EDRF1: variants seen among roughly 807,000 people sequenced by gnomAD.
The protein encoded by EDRF1 is erythroid differentiation regulatory factor 1.
Under a neutral mutation model 148.7 loss-of-function variants are expected in EDRF1, and 69 were observed. The observed-to-expected ratio is 0.46, with a 90% CI of 0.38 to 0.57. The LOEUF (loss-of-function observed/expected upper bound fraction) is 0.57. EDRF1 is among the 20% of genes least tolerant of loss of function. The pLI is 0.00. For synonymous variants in EDRF1, 515 were observed against 532.8 expected (o/e 0.97, Z 0.46); for missense variants, 1,118 against 1,478.7 (o/e 0.76, Z 4.00).
chr10:125,738,521 CAATT>C (rs1848849428), intron 15 of EDRF1, 76 bp downstream of exon 15: 4 of 1,549,880 alleles, frequency 2.6e-6, no homozygotes, highest in Non-Finnish European at 3.6e-6. Flanking sequence ...AGACTTATGT[CAATT>C]AAGGCATTAA....
intron 9 of EDRF1, 61 bp from the exon 10 acceptor site, chr10:125,733,339 AAAAG>A: frequency 7.4e-7 from 1 of 1,349,786 alleles, no homozygotes; most frequent in Non-Finnish European, 1.0e-6. Context: ...TTGCTTTTTA[AAAAG>A]AAAGGTGTTG....
intron 24 of EDRF1, among the ~76,000 whole-genome samples, chr10:125,758,591 G>A (rs1006079383): frequency 3.9e-5 from 6 of 152,148 alleles, no homozygotes; most frequent in African/African-American, 7.2e-5. Context: ...ATGTACCACA[G>A]GCTTCAAGTT....
intron 18 of EDRF1, 39 bp from the exon 19 acceptor site, chr10:125,745,668 G>A (rs1174104601): frequency 3.1e-6 from 5 of 1,602,216 alleles, no homozygotes; most frequent in Non-Finnish European, 4.3e-6. Context: ...TTACACTGAT[G>A]TCTGCTTACA....
chr10:125,757,204 T>C (rs1849946570), intron 24 of EDRF1: 1 of 188,296 alleles, frequency 5.3e-6, no homozygotes, highest in Admixed American at 5.8e-5. Flanking sequence ...CTGTTAATTA[T>C]TTTCTGTGAT....
In EDRF1 at chr10:125,749,523, G is replaced by A. The variant is rs771488583; in HGVS notation, c.3235G>A (p.Val1079Ile). The change falls in exon 22 of 25, where the codon GTA becomes ATA. Residue 1079 changes from valine to isoleucine, a missense_variant. Around this residue, in one of 3 missense-constraint regions of EDRF1, gnomAD observed 954 missense variants for 1,241.4 expected, o/e 0.77. Transcript: ENST00000356792. ...LKDAPCELLR[V>I]QLERVAFAEF... ...AGATGCTCCCTGCGAACTGCTTAGAGTACAGCTAGAGAGAGTAGCATTTGC... is the reference window on the plus strand; with the variant it reads ...AGATGCTCCCTGCGAACTGCTTAGAATACAGCTAGAGAGAGTAGCATTTGC... 1 of 1,614,220 alleles carries A rather than the reference G, an allele frequency of 6.2e-7. No individual in the cohort carries two copies. The highest frequency in any genetic ancestry group is 1.1e-5 in the South Asian group (1 of 91,086).
chr10:125,734,246 T>C, intron 12 of EDRF1, 63 bp downstream of exon 12: 1 of 1,269,100 alleles, frequency 7.9e-7, no homozygotes, highest in Non-Finnish European at 1.2e-6. Flanking sequence ...GATTGTTACC[T>C]AGACAGTAAA....
chr10:125,741,086 A>G lies in EDRF1; in HGVS notation c.2256A>G (p.Gln752=), dbSNP rs1848995542. ...ATTTGACACTTTGTGGTGATATCCA[A>G]CTAATGCTGGCCCAGAATGCAAATA... ...SQYLTLCGDI[Q]LMLAQNANNR... Residue 752 remains glutamine, a synonymous_variant, in exon 17 of 25, where the codon CAA becomes CAG. Transcript: ENST00000356792. The G allele has an allele frequency of 5.0e-6, 8 of 1,614,124 alleles. No homozygotes were observed. Among genetic ancestry groups the G allele is most frequent in the South Asian group, 3.3e-5 (3 of 91,068 alleles).
intron 18 of EDRF1, chr10:125,745,020 A>G (rs1849268858): frequency 6.5e-6 from 1 of 153,630 alleles, no homozygotes; most frequent in Admixed American, 6.4e-5. Context: ...ACAAAAGCAC[A>G]GCAATATTGT....
intron 17 of EDRF1, chr10:125,741,478 CG>C: frequency 2.4e-6 from 1 of 422,258 alleles, no homozygotes; most frequent in Non-Finnish European, 4.6e-6. Context: ...CCACCATGCC[CG>C]GCTAGCCCAC....
intron 24 of EDRF1, among the ~76,000 whole-genome samples, chr10:125,756,519 G>A (rs1849906196): frequency 6.6e-6 from 1 of 152,174 alleles, no homozygotes; most frequent in Admixed American, 6.5e-5. Context: ...TCAATTTACT[G>A]AGCGAGGAGT....
In EDRF1 at chr10:125,730,327, CTA is replaced by C. The variant is rs1157120121; in HGVS notation, c.1058_1059del (p.Tyr353LeufsTer26). 1 of 1,613,874 alleles carries C rather than the reference CTA, an allele frequency of 6.2e-7. No individual in the cohort carries two copies. Among genetic ancestry groups the C allele is most frequent in the Non-Finnish European group, 8.5e-7 (1 of 1,179,836 alleles). Reference protein sequence around the residue: ...KPINVLTGIDYWLDNLICNVP... With the variant: ...KPINVLTGIDXWLDNLICNVP... ...CAATTAATGTGCTAACTGGAATTGA[CTA>C]TTGGTTGGACAACTTGATATGCAAT... On this transcript the variant is annotated frameshift_variant, in exon 9 of 25. Coordinates refer to ENST00000356792, the MANE Select transcript of EDRF1 (RefSeq NM_001202438.2). LOFTEE classifies it high-confidence loss of function.
intron 18 of EDRF1, among the ~76,000 whole-genome samples, chr10:125,744,128 A>G (rs1274821516): frequency 4.6e-5 from 7 of 152,192 alleles, no homozygotes; most frequent in African/African-American, 1.7e-4. Context: ...AAGCCTGGAC[A>G]CAGGGACAGA....
Position 125,740,501 on chromosome 10 carries a change from G to A in EDRF1, c.2020G>A (p.Gly674Arg). Reference sequence around the variant, plus strand: ...GAAGGGCAATTATTCCAGTCAATCTGGAATGATCCCTGGCTCTTGGCAACA... The same window carrying A: ...GAAGGGCAATTATTCCAGTCAATCTAGAATGATCCCTGGCTCTTGGCAACA... ...LQKGNYSSQS[G>R]MIPGSWQHKM... Residue 674 changes from glycine to arginine, a missense_variant, in exon 16 of 25, where the codon GGA (glycine) becomes AGA (arginine). Gly to Arg is a moderately radical substitution (Grantham distance 125). Coordinates refer to ENST00000356792, the MANE Select transcript of EDRF1 (RefSeq NM_001202438.2). The A allele has an allele frequency of 1.9e-6, 3 of 1,614,066 alleles. No homozygotes were observed. The highest frequency in any genetic ancestry group is 2.5e-6 in the Non-Finnish European group (3 of 1,180,022).
At position 125,721,572 on chromosome 10, in the gene EDRF1, T is replaced by C. The variant is rs373377252; in HGVS notation, c.317+160T>C. Among the ~76,000 whole-genome samples the C allele has an allele frequency of 5.9e-4, 90 of 152,388 alleles. 1 individual carries two copies. The South Asian group carries it at 0.018, about 30-fold the overall frequency. ...AAAGGCTTTTTATTCTGATAATAGA[T>C]GATGTTAAAACATGAAGATATACAT... On this transcript the variant is annotated intron_variant, in intron 2 of 24. Transcript: ENST00000356792.
intron 7 of EDRF1, 35 bp from the exon 8 acceptor site, chr10:125,729,323 C>T (rs1477605970): frequency 6.2e-7 from 1 of 1,608,444 alleles, no homozygotes; most frequent in Non-Finnish European, 8.5e-7. Flanking sequence ...TACAGATTGA[C>T]TGTTTATTAT....
In EDRF1 at chr10:125,752,846, G is replaced by C. The variant is rs746501835; in HGVS notation, c.3325G>C (p.Asp1109His). 2 of 1,614,078 alleles carry C rather than the reference G, an allele frequency of 1.2e-6. No homozygotes were observed. The highest frequency in any genetic ancestry group is 1.3e-5 in the African/African-American group (1 of 75,046). The change falls in exon 23 of 25, where the codon GAT becomes CAT. Residue 1109 changes from aspartate to histidine, a missense_variant. Asp to His is a moderately conservative substitution (Grantham distance 81). Coordinates refer to ENST00000356792, the MANE Select transcript of EDRF1 (RefSeq NM_001202438.2). ...GKLKTLSGAL[D>H]IMVRTEHAFQ... ...GTTGAAAACACTATCTGGGGCTCTTGATATAATGGTGAGAACTGAGCACGC... is the reference window on the plus strand; with the variant it reads ...GTTGAAAACACTATCTGGGGCTCTTCATATAATGGTGAGAACTGAGCACGC...
intron 8 of EDRF1, among the ~76,000 whole-genome samples, chr10:125,729,876 A>G (rs1848419108): frequency 6.6e-6 from 1 of 152,242 alleles, no homozygotes; most frequent in African/African-American, 2.4e-5. Context: ...TTAATTAGTT[A>G]GATTCCTACT....
chr10:125,735,631 T>C lies in EDRF1; in HGVS notation c.1498-13T>C. 2 of 1,610,958 alleles carry C rather than the reference T, an allele frequency of 1.2e-6. No homozygotes were observed. Among genetic ancestry groups the C allele is most frequent in the Non-Finnish European group, 1.7e-6 (2 of 1,178,136 alleles). ...TGACAGTAATTTACACATATTTCTC[T>C]CTTTTTCATAAGATTATTGCTTCCG... On this transcript the variant is annotated splice_polypyrimidine_tract_variant and intron_variant, in intron 12 of 24. Transcript: ENST00000356792.
intron 18 of EDRF1, chr10:125,744,828 A>C (rs1207036817): frequency 2.0e-5 from 3 of 152,248 alleles, no homozygotes; most frequent in Non-Finnish European, 4.4e-5. Flanking sequence ...GATGCGTTCC[A>C]AGATCCCCAG....
Sources: allele counts gnomAD v4.1 joint callset (sites outside exome capture counted in the v4.1 genomes callset), GRCh38; gene constraint gnomAD v4.1.1; regional missense constraint gnomAD v4.1.1; transcripts MANE v1.5; gene names NCBI Gene and HGNC (gene_info 2026-07-23, HGNC 2026-07-21).